The following RASA3 variants were observed in gnomAD, a reference collection of about 807,000 sequenced individuals.
RASA3 encodes ras GTPase-activating protein 3.
A neutral mutation model predicts 110.0 loss-of-function variants in RASA3; 73 were observed. The ratio of observed to expected loss-of-function variants is 0.66; its 90% CI spans 0.55 to 0.81. RASA3 has a LOEUF of 0.81. RASA3 is among the 30% of genes least tolerant of loss of function. The pLI, the probability that RASA3 is intolerant of heterozygous loss-of-function variation, is 0.00. For missense variants in RASA3, 976 were observed against 1,113.2 expected, an observed-to-expected ratio of 0.88 and a Z score of 1.75; for synonymous variants, 500 against 451.4, an observed-to-expected ratio of 1.11 and a Z score of -1.37.
intron 3 of RASA3, 24 bp downstream of exon 3, chr13:114,052,028 A>C: frequency 6.6e-7 from 1 of 1,523,472 alleles, no homozygotes; most frequent in Non-Finnish European, 9.1e-7. Context: ...GAAAAGGGGA[A>C]GTAAATGCTC....
At chr13:114,126,198 G>C (rs573062132) in intron 1 of RASA3, among the ~76,000 whole-genome samples, 1 of 148,638 alleles carries the variant, frequency 6.7e-6, no homozygotes, top group South Asian at 2.2e-4. Context: ...CAGAGGTACC[G>C]GCACCTGCTG....
chr13:114,115,957 C>T lies in RASA3; in HGVS notation c.55+16478G>A, dbSNP rs528532751. On this transcript the variant is annotated intron_variant, in intron 1 of 23. Coordinates refer to ENST00000334062, the MANE Select transcript of RASA3 (RefSeq NM_007368.4). The surrounding 1 kb of genome is among the most constrained non-coding windows in gnomAD (Gnocchi z 5.0). ...TGGGACATGTGCTCAGAGGCGTCTG[C>T]AGTTGAGGCGGGTGACGTTCTGGGG... is the stretch of plus-strand genomic sequence containing the variant. Among the ~76,000 whole-genome samples, 4 of 152,390 alleles carry T rather than the reference C, an allele frequency of 2.6e-5. No individual in the cohort carries two copies. The highest frequency in any genetic ancestry group is 9.6e-5 in the African/African-American group (4 of 41,592).
At chr13:113,983,152 C>T (rs1183214777) in intron 22 of RASA3, among the ~76,000 whole-genome samples, 1 of 143,308 alleles carries the variant, frequency 7.0e-6, no homozygotes, top group Non-Finnish European at 1.5e-5. Context: ...AAGGACAATG[C>T]TGGGGGCTCG....
chr13:114,130,641 C>T (rs1043583324), intron 1 of RASA3, among the ~76,000 whole-genome samples: 1 of 152,216 alleles, frequency 6.6e-6, no homozygotes, highest in African/African-American at 2.4e-5. Flanking sequence ...TCTTCCCTCG[C>T]CCTCCTGTTC....
intron 1 of RASA3, among the ~76,000 whole-genome samples, chr13:114,074,447 T>A (rs1245978952): frequency 6.6e-6 from 1 of 152,270 alleles, no homozygotes; most frequent in East Asian, 1.9e-4. Flanking sequence ...GGCCGCTGAC[T>A]GGATTCCCTT....
intron 18 of RASA3, among the ~76,000 whole-genome samples, chr13:114,004,515 A>AC (rs1412335172): frequency 6.6e-6 from 1 of 152,036 alleles, no homozygotes; most frequent in Non-Finnish European, 1.5e-5. Flanking sequence ...GCTGCCTGTG[A>AC]CCCCACCTCA....
intron 1 of RASA3, among the ~76,000 whole-genome samples, chr13:114,130,186 C>T (rs945862268): frequency 5.9e-5 from 9 of 152,216 alleles, no homozygotes. Flanking sequence ...TGCATCTCTG[C>T]TCAAATGCAG....
At chr13:114,021,587 C>T (rs945051840) in intron 8 of RASA3, 79 bp from the exon 9 acceptor site, 1 of 1,163,366 alleles carries the variant, frequency 8.6e-7, no homozygotes, top group Non-Finnish European at 1.3e-6. Context: ...ACGCTTTGTT[C>T]CCCCAGGAGC....
chr13:114,078,417 T>C (rs886574457), intron 1 of RASA3, among the ~76,000 whole-genome samples: 2 of 152,226 alleles, frequency 1.3e-5, no homozygotes, highest in Non-Finnish European at 2.9e-5. Flanking sequence ...CATGCATGGA[T>C]GAATAAATGA....
intron 9 of RASA3, among the ~76,000 whole-genome samples, chr13:114,019,378 T>G (rs1317361121): frequency 6.6e-6 from 1 of 152,244 alleles, no homozygotes; most frequent in Non-Finnish European, 1.5e-5. Flanking sequence ...TAAGAGACGT[T>G]TTCTGCCCGG....
At position 113,978,508 on chromosome 13, in the gene RASA3, T is replaced by C. The variant is rs1277373780; in HGVS notation, c.*839A>G. On this transcript the variant is annotated 3_prime_UTR_variant, in exon 24 of 24. Coordinates refer to ENST00000334062, the MANE Select transcript of RASA3 (RefSeq NM_007368.4). ...ATAAAGAAAAACAGCTTGAAAAATGTACATTTCTATTTTTAAAATCTTCAA... is the reference window on the plus strand; with the variant it reads ...ATAAAGAAAAACAGCTTGAAAAATGCACATTTCTATTTTTAAAATCTTCAA... 1 of 152,230 alleles carries C rather than the reference T, an allele frequency of 6.6e-6. No individual in the cohort carries two copies. Among genetic ancestry groups the C allele is most frequent in the Non-Finnish European group, 1.5e-5 (1 of 68,040 alleles). 9.4% of individuals were successfully genotyped at this position (152,230 alleles called of 1,614,324 possible).
At chr13:114,093,848 T>C (rs2079914089) in intron 1 of RASA3, among the ~76,000 whole-genome samples, 1 of 152,220 alleles carries the variant, frequency 6.6e-6, no homozygotes, top group Non-Finnish European at 1.5e-5. Flanking sequence ...GCTCTCTCTT[T>C]CATTTTTGCA....
At chr13:114,059,838 T>C (rs1050637415) in intron 2 of RASA3, among the ~76,000 whole-genome samples, 4 of 152,264 alleles carry the variant, frequency 2.6e-5, no homozygotes, top group Admixed American at 6.5e-5. Flanking sequence ...CTGTTTCAGC[T>C]GCCCATCCCC....
At chr13:113,982,833 A>G (rs894689476) in intron 22 of RASA3, among the ~76,000 whole-genome samples, 2 of 152,234 alleles carry the variant, frequency 1.3e-5, no homozygotes, top group Non-Finnish European at 2.9e-5. Context: ...CCTCTTCCAC[A>G]TGTGAGGACA....
chr13:114,047,962 T>G (rs1379859402), intron 3 of RASA3, among the ~76,000 whole-genome samples: 1 of 152,216 alleles, frequency 6.6e-6, no homozygotes, highest in East Asian at 1.9e-4. Context: ...TGGTGAAGGC[T>G]ACACCTAACA....
chr13:114,073,409 C>T (rs71449074), intron 2 of RASA3, among the ~76,000 whole-genome samples: 2 of 148,006 alleles, frequency 1.4e-5, no homozygotes, highest in Middle Eastern at 3.8e-3. Context: ...GTGACGTACA[C>T]GCTCGGGACA....
chr13:114,016,102 C>T (rs1309509615), intron 13 of RASA3, 95 bp downstream of exon 13: 27 of 1,118,498 alleles, frequency 2.4e-5, no homozygotes, highest in East Asian at 5.0e-5. Flanking sequence ...CCACCCCAAC[C>T]GGGGTCACGG....
intron 8 of RASA3, among the ~76,000 whole-genome samples, chr13:114,023,088 G>A (rs972013179): frequency 2.0e-5 from 3 of 152,252 alleles, no homozygotes; most frequent in Non-Finnish European, 2.9e-5. Context: ...CGTAGGGCCT[G>A]AGCCACGCAC....
chr13:114,000,755 GAAAA>G (rs1212669628), intron 19 of RASA3, 67 bp downstream of exon 19: 1 of 1,193,336 alleles, frequency 8.4e-7, no homozygotes, highest in African/African-American at 1.5e-5. Context: ...CTCTCCCCCT[GAAAA>G]AGCAGACTCA....
Sources: allele counts gnomAD v4.1 joint callset (sites outside exome capture counted in the v4.1 genomes callset), GRCh38; gene constraint gnomAD v4.1.1; non-coding constraint Gnocchi (gnomAD v3.1); transcripts MANE v1.5; gene names NCBI Gene and HGNC (gene_info 2026-07-23, HGNC 2026-07-21).